Variants in SHISA9 observed in about 807,000 individuals in gnomAD.
SHISA9 encodes shisa family member 9, also known as protein shisa-9.
A neutral mutation model predicts 38.0 loss-of-function variants in SHISA9; 13 were observed. The ratio of observed to expected loss-of-function variants is 0.34; its 90% CI spans 0.22 to 0.54. SHISA9 has a LOEUF of 0.54. Ranked by LOEUF, SHISA9 falls within the 20% of genes least tolerant of loss-of-function variation. The pLI, the probability that SHISA9 is intolerant of heterozygous loss-of-function variation, is 0.91. For synonymous variants in SHISA9, 275 were observed against 242.0 expected (o/e 1.14, Z -1.27); for missense variants, 538 against 575.8 (o/e 0.93, Z 0.67).
At chr16:13,071,923 G>A (rs553850325) in intron 2 of SHISA9, among the ~76,000 whole-genome samples, 1 of 152,136 alleles carries the variant, frequency 6.6e-6, no homozygotes, top group Non-Finnish European at 1.5e-5. Flanking sequence ...TGGAATTATA[G>A]GTGTGACCCA....
chr16:13,256,967 T>C, the SHISA9 span, among the ~76,000 whole-genome samples: 4 of 152,222 alleles, frequency 2.6e-5, no homozygotes, highest in Admixed American at 1.3e-4. Flanking sequence ...AGGGAACTTA[T>C]AGGCTCTCTG....
intron 2 of SHISA9, among the ~76,000 whole-genome samples, chr16:13,143,126 G>A (rs779526261): frequency 2.0e-5 from 3 of 151,618 alleles, no homozygotes; most frequent in Admixed American, 6.6e-5. Context: ...CCTGCCTCAG[G>A]CTCCCGAGTA....
At chr16:13,079,789 G>T (rs974927011) in intron 2 of SHISA9, among the ~76,000 whole-genome samples, 4 of 152,154 alleles carry the variant, frequency 2.6e-5, no homozygotes, top group Non-Finnish European at 5.9e-5. Context: ...TATACATGGA[G>T]AATTTTTGCC....
the SHISA9 span, among the ~76,000 whole-genome samples, chr16:13,538,417 A>G: frequency 1.3e-5 from 2 of 152,206 alleles, no homozygotes; most frequent in East Asian, 1.9e-4. Context: ...GAAGTAGACA[A>G]TCTCTTCAAA....
chr16:13,493,860 A>T, the SHISA9 span, among the ~76,000 whole-genome samples: 8 of 152,210 alleles, frequency 5.3e-5, no homozygotes, highest in African/African-American at 1.9e-4. Flanking sequence ...GGATCAATAC[A>T]TACATTACAC....
intron 2 of SHISA9, among the ~76,000 whole-genome samples, chr16:12,989,269 C>T (rs562251752): frequency 2.6e-5 from 4 of 152,148 alleles, no homozygotes; most frequent in African/African-American, 9.6e-5. Context: ...CCTCTGCCTG[C>T]CGGGTTCAAG....
chr16:13,514,888 G>GA, the SHISA9 span, among the ~76,000 whole-genome samples: 5 of 151,574 alleles, frequency 3.3e-5, no homozygotes, highest in Admixed American at 1.3e-4. Flanking sequence ...GCAGCTGGAG[G>GA]AAAAAAAATA....
intron 2 of SHISA9, among the ~76,000 whole-genome samples, chr16:13,060,004 G>C (rs2073355594): frequency 6.6e-6 from 1 of 152,136 alleles, no homozygotes; most frequent in Admixed American, 6.5e-5. Flanking sequence ...AACAGCCCTA[G>C]CAAACAAATA....
At chr16:13,250,720 G>A in the SHISA9 span, among the ~76,000 whole-genome samples, 4 of 152,050 alleles carry the variant, frequency 2.6e-5, no homozygotes, top group Admixed American at 2.0e-4. Context: ...TTAGCTTTGG[G>A]TTTGAGAAAG....
intron 2 of SHISA9, among the ~76,000 whole-genome samples, chr16:12,959,279 G>T (rs12924194): frequency 0.19 from 29,265 of 152,166 alleles, 3,442 homozygotes; most frequent in Middle Eastern, 0.35. Flanking sequence ...TATATGTCCA[G>T]CCTCTGCAGG....
chr16:13,424,949 A>G, the SHISA9 span, among the ~76,000 whole-genome samples: 1 of 152,214 alleles, frequency 6.6e-6, no homozygotes, highest in Non-Finnish European at 1.5e-5. Flanking sequence ...AAGTGAAATC[A>G]TCATAACATC....
rs2071020395 is a variant in SHISA9, at chr16:12,901,904, T to A, written c.-161T>A. 5 of 347,384 alleles carry A rather than the reference T, an allele frequency of 1.4e-5. No homozygotes were observed. In the Admixed American group the frequency reaches 2.7e-4, roughly 19 times the overall value. The allele number at this position is 347,384 out of a possible 1,614,324, so 21.5% of individuals were successfully genotyped here. ...CGAACGCGGGCTGAGCCGAGCGCAG[T>A]GGCCGCCGACCACCGAGCGCCCCGC... On this transcript the variant is annotated 5_prime_UTR_variant, in exon 1 of 5. Coordinates refer to ENST00000558583, the MANE Select transcript of SHISA9 (RefSeq NM_001145204.3).
At chr16:13,424,299 G>T in the SHISA9 span, among the ~76,000 whole-genome samples, 6 of 152,360 alleles carry the variant, frequency 3.9e-5, no homozygotes, top group Admixed American at 6.5e-5. Flanking sequence ...GAATCAAAGT[G>T]CTCCTGAATG....
the SHISA9 span, among the ~76,000 whole-genome samples, chr16:13,328,170 ACTT>A: frequency 1.3e-5 from 2 of 151,882 alleles, no homozygotes; most frequent in Admixed American, 6.6e-5. Flanking sequence ...TCTCACCATC[ACTT>A]CTTCTAGCCC....
chr16:13,099,703 G>A (rs1596647816), intron 2 of SHISA9, among the ~76,000 whole-genome samples: 1 of 152,324 alleles, frequency 6.6e-6, no homozygotes, highest in East Asian at 1.9e-4. Flanking sequence ...GGGGGCAGAA[G>A]CAGGAGATAA....
intron 2 of SHISA9, among the ~76,000 whole-genome samples, chr16:12,978,865 A>C (rs775313894): frequency 6.6e-6 from 1 of 152,228 alleles, no homozygotes. Context: ...CCAAGTAGTA[A>C]TTGTAGAATC....
At chr16:12,992,749 AT>A (rs2072404554) in intron 2 of SHISA9, among the ~76,000 whole-genome samples, 1 of 152,058 alleles carries the variant, frequency 6.6e-6, no homozygotes, top group African/African-American at 2.4e-5. Context: ...TCACTCTGTC[AT>A]TTTTGCTTTC....
chr16:13,449,682 C>T, the SHISA9 span, among the ~76,000 whole-genome samples: 30 of 152,256 alleles, frequency 2.0e-4, no homozygotes, highest in South Asian at 6.2e-3. Context: ...GCCTTTCTTC[C>T]ATGATATTCA....
intron 4 of SHISA9, among the ~76,000 whole-genome samples, chr16:13,222,020 G>A (rs2051230908): frequency 6.6e-6 from 1 of 152,154 alleles, no homozygotes; most frequent in South Asian, 2.1e-4. Flanking sequence ...TCACAATCAT[G>A]GTGGAAGGCC....
Sources: allele counts gnomAD v4.1 joint callset (sites outside exome capture counted in the v4.1 genomes callset), GRCh38; gene constraint gnomAD v4.1.1; transcripts MANE v1.5; gene names NCBI Gene and HGNC (gene_info 2026-07-23, HGNC 2026-07-21).